Variants in CSMD1 observed in about 807,000 individuals in gnomAD.
CSMD1 encodes the protein CUB and Sushi multiple domains 1.
In CSMD1, 213 loss-of-function variants were observed where a neutral mutation model predicts 417.5. That is an observed-to-expected ratio of 0.51 (90% CI 0.46 to 0.57). The LOEUF (loss-of-function observed/expected upper bound fraction) is 0.57. Ranked by LOEUF, CSMD1 falls within the 20% of genes least tolerant of loss-of-function variation. CSMD1 has a pLI of 0.00. For synonymous variants in CSMD1, 2,862 were observed against 1,736.8 expected (o/e 1.65, Z -16.11); for missense variants, 6,923 against 4,529.7 (o/e 1.53, Z -15.17).
At chr8:4,071,294 C>T (rs139815026) in intron 3 of CSMD1, among the ~76,000 whole-genome samples, 1 of 152,058 alleles carries the variant, frequency 6.6e-6, no homozygotes. Context: ...GTCTTATTTT[C>T]TCTATATTCT....
At chr8:3,875,238 T>C (rs1470357372) in intron 5 of CSMD1, among the ~76,000 whole-genome samples, 1 of 152,064 alleles carries the variant, frequency 6.6e-6, no homozygotes, top group Non-Finnish European at 1.5e-5. Context: ...TCCTCATGAT[T>C]TGAATTGAGA....
intron 7 of CSMD1, among the ~76,000 whole-genome samples, chr8:3,632,906 T>C (rs577904434): frequency 6.6e-6 from 1 of 152,328 alleles, no homozygotes; most frequent in East Asian, 1.9e-4. Flanking sequence ...GACAACAAAA[T>C]GAAGCAAGGG....
chr8:4,780,292 G>A (rs953675570), intron 1 of CSMD1, among the ~76,000 whole-genome samples: 2 of 152,172 alleles, frequency 1.3e-5, no homozygotes, highest in African/African-American at 4.8e-5. Flanking sequence ...CTTTGTCTCT[G>A]TATACTGCGC....
chr8:4,646,445 G>A (rs573711497), intron 1 of CSMD1, among the ~76,000 whole-genome samples: 11 of 152,174 alleles, frequency 7.2e-5, no homozygotes, highest in Admixed American at 1.3e-4. Flanking sequence ...GTAGTAAAAT[G>A]TTTCCCTAAG....
At chr8:3,922,471 T>G (rs1288783257) in intron 5 of CSMD1, among the ~76,000 whole-genome samples, 1 of 152,108 alleles carries the variant, frequency 6.6e-6, no homozygotes, top group Non-Finnish European at 1.5e-5. Flanking sequence ...TCTCGTCACA[T>G]TTTCTTTCAT....
At chr8:4,601,741 G>T (rs184614082) in intron 2 of CSMD1, among the ~76,000 whole-genome samples, 2 of 152,266 alleles carry the variant, frequency 1.3e-5, no homozygotes, top group Admixed American at 6.5e-5. Context: ...CTTCCCTGTA[G>T]CTGGAGAAAA....
chr8:3,805,419 C>G (rs1800676318), intron 5 of CSMD1, among the ~76,000 whole-genome samples: 1 of 152,162 alleles, frequency 6.6e-6, no homozygotes, highest in African/African-American at 2.4e-5. Context: ...GAAGTGGTCA[C>G]CTCTCAGCAG....
intron 1 of CSMD1, among the ~76,000 whole-genome samples, chr8:4,720,245 T>A (rs113261685): frequency 6.6e-6 from 1 of 151,996 alleles, no homozygotes; most frequent in African/African-American, 2.4e-5. Context: ...AAAGGGAATG[T>A]ATCATTTTTG....
At chr8:3,659,434 C>G (rs1330812462) in intron 7 of CSMD1, among the ~76,000 whole-genome samples, 10 of 152,308 alleles carry the variant, frequency 6.6e-5, no homozygotes, top group East Asian at 5.8e-4. Context: ...GTATAATTAT[C>G]TGAGACACTA....
chr8:3,046,149 T>C (rs1245919008), intron 50 of CSMD1, among the ~76,000 whole-genome samples: 1 of 152,186 alleles, frequency 6.6e-6, no homozygotes, highest in African/African-American at 2.4e-5. Flanking sequence ...GTGTCCTCTT[T>C]TGATTGCTAT....
At chr8:4,780,575 AT>A (rs11305573) in intron 1 of CSMD1, among the ~76,000 whole-genome samples, 15,092 of 151,898 alleles carry the variant, frequency 0.099, 954 homozygotes, top group East Asian at 0.33. Flanking sequence ...ATTTATATTT[AT>A]TTTTTTCCAT....
intron 1 of CSMD1, among the ~76,000 whole-genome samples, chr8:4,648,860 C>G (rs1803703981): frequency 6.6e-6 from 1 of 152,122 alleles, no homozygotes; most frequent in African/African-American, 2.4e-5. Context: ...TATGCACACC[C>G]ACCACAGTAA....
Position 3,754,026 on chromosome 8 carries a change from G to A in CSMD1, c.835C>T (p.Leu279Phe), listed in dbSNP as rs1158776972. The change falls in exon 6 of 70, where the codon CTC becomes TTC. Residue 279 changes from leucine to phenylalanine, a missense_variant. Coordinates refer to ENST00000635120, the MANE Select transcript of CSMD1 (RefSeq NM_033225.6). Reference protein sequence around the residue: ...APSIWLTGMNLPSPVISSKNW... With the variant: ...APSIWLTGMNFPSPVISSKNW... ...TTGCTACTGATAACTGGAGAGGGGA[G>A]GTTCATGCCAGTTAGCCTAGAGAAG... 6.2e-7 allele frequency: 1 copy of A among 1,611,684 alleles called. No individual in the cohort carries two copies. Among genetic ancestry groups the A allele is most frequent in the African/African-American group, 1.3e-5 (1 of 74,786 alleles).
chr8:4,530,042 G>T (rs554816689), intron 2 of CSMD1, among the ~76,000 whole-genome samples: 1 of 151,974 alleles, frequency 6.6e-6, no homozygotes, highest in African/African-American at 2.4e-5. Context: ...AGCCTCCAGA[G>T]TAGCTGGGAC....
At chr8:3,609,958 T>G (rs934964766) in intron 8 of CSMD1, among the ~76,000 whole-genome samples, 2 of 151,532 alleles carry the variant, frequency 1.3e-5, no homozygotes, top group African/African-American at 4.8e-5. Context: ...CACACCAACA[T>G]GCCCAGCTAA....
chr8:3,556,790 T>G (rs936833294), intron 10 of CSMD1, among the ~76,000 whole-genome samples: 1 of 152,154 alleles, frequency 6.6e-6, no homozygotes, highest in African/African-American at 2.4e-5. Flanking sequence ...ATAGAAAGAC[T>G]GCCAAAAGAG....
At chr8:3,508,640 C>G (rs1478062831) in intron 10 of CSMD1, among the ~76,000 whole-genome samples, 1 of 152,160 alleles carries the variant, frequency 6.6e-6, no homozygotes, top group Non-Finnish European at 1.5e-5. Context: ...TTTATTCAAT[C>G]ACTCCTTCAG....
intron 1 of CSMD1, among the ~76,000 whole-genome samples, chr8:4,776,732 T>C (rs1033990682): frequency 3.3e-5 from 5 of 152,010 alleles, no homozygotes; most frequent in Admixed American, 3.3e-4. Context: ...TGTAGCAAAG[T>C]GCCACATACT....
intron 3 of CSMD1, among the ~76,000 whole-genome samples, chr8:4,330,944 A>G (rs1032116209): frequency 1.3e-5 from 2 of 151,998 alleles, no homozygotes; most frequent in Non-Finnish European, 2.9e-5. Flanking sequence ...CCCCATGTTC[A>G]TTTTTATAAC....
Sources: allele counts gnomAD v4.1 joint callset (sites outside exome capture counted in the v4.1 genomes callset), GRCh38; gene constraint gnomAD v4.1.1; transcripts MANE v1.5; gene names NCBI Gene and HGNC (gene_info 2026-07-23, HGNC 2026-07-21).